SRRM1: variants seen among roughly 807,000 people sequenced by gnomAD.
SRRM1 encodes the protein serine/arginine repetitive matrix protein 1.
SRRM1 carries 19 observed loss-of-function variants against 110.2 expected under a neutral mutation model. That is an observed-to-expected ratio of 0.17 (90% CI 0.12 to 0.25). The LOEUF (loss-of-function observed/expected upper bound fraction) is 0.25, where lower values mean the gene tolerates loss of function less well. Among genes scored for constraint, SRRM1 ranks in the 10% least tolerant of loss-of-function variants. The pLI is 1.00. For synonymous variants in SRRM1, 443 were observed against 414.9 expected (o/e 1.07, Z -0.82); for missense variants, 918 against 1,145.8 (o/e 0.80, Z 2.87).
intron 7 of SRRM1, 138 bp from the exon 8 acceptor site, chr1:24,652,775 T>C: frequency 7.5e-7 from 1 of 1,327,722 alleles, no homozygotes; most frequent in East Asian, 2.4e-5. Context: ...GACACTTTTC[T>C]GTGTACCATA....
chr1:24,657,123 C>G (rs147152323), intron 9 of SRRM1, among the ~76,000 whole-genome samples: 12 of 152,248 alleles, frequency 7.9e-5, no homozygotes, highest in African/African-American at 2.2e-4. Flanking sequence ...CTCTGTCACT[C>G]GGGCTGGAGT....
chr1:24,671,149 G>A (rs1672534258), intron 15 of SRRM1, among the ~76,000 whole-genome samples: 1 of 152,220 alleles, frequency 6.6e-6, no homozygotes, highest in Admixed American at 6.5e-5. Flanking sequence ...TCAACAATTT[G>A]TCTAAGGTCA....
At chr1:24,671,925 T>TTTA (rs1365984971) in intron 16 of SRRM1, among the ~76,000 whole-genome samples, 1 of 152,028 alleles carries the variant, frequency 6.6e-6, no homozygotes, top group Non-Finnish European at 1.5e-5. Flanking sequence ...GTTTTTTAAT[T>TTTA]TTATTATTAT....
intron 2 of SRRM1, 85 bp downstream of exon 2, chr1:24,646,158 A>G: frequency 2.0e-6 from 2 of 979,740 alleles, no homozygotes; most frequent in Admixed American, 1.9e-5. Flanking sequence ...GATGCATTGT[A>G]ACTTGAATGC....
At position 24,663,551 on chromosome 1, in the gene SRRM1, AT is replaced by A. The variant is rs1299904472; in HGVS notation, c.1628+749del. On this transcript the variant is annotated intron_variant, in intron 12 of 16. Transcript: ENST00000323848. ...ATCTGGATACTTTTCCAGAGATAGG[AT>A]TATTGCTCCTTAGATTTGGGGGGAG... is the stretch of plus-strand genomic sequence containing the variant. Among the ~76,000 whole-genome samples, 12 of 152,016 alleles carry A rather than the reference AT, an allele frequency of 7.9e-5. 1 individual carries two copies. The highest frequency in any genetic ancestry group is 2.9e-5 in the Non-Finnish European group (2 of 68,010).
At chr1:24,661,473 TGCA>T in intron 11 of SRRM1, 77 bp downstream of exon 11, 1 of 1,053,804 alleles carries the variant, frequency 9.5e-7, no homozygotes, top group Non-Finnish European at 1.4e-6. Flanking sequence ...CATCTGTGTG[TGCA>T]GCATGAGTAC....
intron 13 of SRRM1, among the ~76,000 whole-genome samples, chr1:24,668,089 A>G (rs1180697723): frequency 6.8e-6 from 1 of 146,152 alleles, no homozygotes; most frequent in African/African-American, 2.6e-5. Context: ...CTCCTGCCTC[A>G]GCCTCCCGAG....
Position 24,650,080 on chromosome 1 carries a change from CAAG to C in SRRM1, c.519_521del (p.Arg175del). The C allele has an allele frequency of 6.3e-7, 1 of 1,575,114 alleles. No individual in the cohort carries two copies. Among genetic ancestry groups the C allele is most frequent in the East Asian group, 2.3e-5 (1 of 43,912 alleles). ...GAAAAAAGGGAGCGGTCTCGTAGCC[CAAG>C]AAGGTATCATACAATAGATGCATAA... On this transcript the variant is annotated inframe_deletion, in exon 5 of 17. Coordinates refer to ENST00000323848, the MANE Select transcript of SRRM1 (RefSeq NM_005839.4).
In SRRM1 at chr1:24,648,712, T is replaced by G. The variant is rs556140187; in HGVS notation, c.235-147T>G. The G allele has an allele frequency of 7.9e-4, 496 of 626,926 alleles. 1 individual carries two copies. Among genetic ancestry groups the G allele is most frequent in the Admixed American group, 2.0e-3 (65 of 31,728 alleles). 38.8% of individuals were successfully genotyped at this position (626,926 alleles called of 1,614,324 possible). ...GCTGAGAAGCTACTAGGGAAGACTA[T>G]TTGTAAAATAGTAAGGACTATATAT... On this transcript the variant is annotated intron_variant, in intron 3 of 16. Coordinates refer to ENST00000323848, the MANE Select transcript of SRRM1 (RefSeq NM_005839.4).
chr1:24,656,610 T>G (rs1664253544), intron 9 of SRRM1, among the ~76,000 whole-genome samples: 1 of 152,216 alleles, frequency 6.6e-6, no homozygotes, highest in Non-Finnish European at 1.5e-5. Context: ...CTATTTTGTC[T>G]TTTCCTGTAA....
chr1:24,656,082 A>G (rs1175737656), intron 9 of SRRM1, among the ~76,000 whole-genome samples: 1 of 152,150 alleles, frequency 6.6e-6, no homozygotes, highest in African/African-American at 2.4e-5. Context: ...TCTTAAAAAA[A>G]GAGAGAGAAA....
In SRRM1 at chr1:24,655,024, C is replaced by A. The variant is rs761372336; in HGVS notation, c.1210C>A (p.Pro404Thr). 1.2e-6 allele frequency: 2 copies of A among 1,614,208 alleles called. No individual in the cohort carries two copies. Among genetic ancestry groups the A allele is most frequent in the South Asian group, 1.1e-5 (1 of 91,082 alleles). ...AAGGCGAAGGCACAGGCCATCACCT[C>A]CTGCAACTCCACCACCCAAAACTCG... ...PPRRRHRPSP[P>T]ATPPPKTRHS... Residue 404 changes from proline (P) to threonine (T), a missense_variant, in exon 9 of 17, where the codon CCT becomes ACT. Pro to Thr is a conservative substitution (Grantham distance 38). Transcript: ENST00000323848.
chr1:24,646,165 A>G (rs1657414547), intron 2 of SRRM1, 92 bp downstream of exon 2: 2 of 926,072 alleles, frequency 2.2e-6, no homozygotes, highest in Non-Finnish European at 3.4e-6. Flanking sequence ...TGTAACTTGA[A>G]TGCTAAGAAA....
rs776543273 is a variant in SRRM1, at chr1:24,662,795, C to A, written c.1619C>A (p.Thr540Asn). ...TCACCACGAAAGCGCCAAAAAGAGACTTCCCCTCGGTAACATCTTTGCTTC... is the reference window on the plus strand; with the variant it reads ...TCACCACGAAAGCGCCAAAAAGAGAATTCCCCTCGGTAACATCTTTGCTTC... The part of the protein sequence containing the change: ...SPSPRKRQKE[T>N]SPRGRRRRSP... Residue 540 changes from threonine to asparagine, a missense_variant, in exon 12 of 17, where the codon ACT becomes AAT. Around this residue, in one of 5 missense-constraint regions of SRRM1, gnomAD observed 357 missense variants for 402.9 expected, o/e 0.89. Coordinates refer to ENST00000323848, the MANE Select transcript of SRRM1 (RefSeq NM_005839.4). 3.7e-6 allele frequency: 6 copies of A among 1,614,030 alleles called. No homozygotes were observed. Among genetic ancestry groups the A allele is most frequent in the Non-Finnish European group, 4.2e-6 (5 of 1,180,004 alleles).
chr1:24,667,469 A>G (rs964123451), intron 13 of SRRM1, among the ~76,000 whole-genome samples: 2 of 152,268 alleles, frequency 1.3e-5, no homozygotes, highest in Admixed American at 6.5e-5. Flanking sequence ...AACATCCTCA[A>G]TAAAACATTG....
At position 24,662,782 on chromosome 1, in the gene SRRM1, C is replaced by T. The variant is rs889524332; in HGVS notation, c.1606C>T (p.Arg536Cys). 1.1e-5 allele frequency: 18 copies of T among 1,613,984 alleles called. No homozygotes were observed. The highest frequency in any genetic ancestry group is 1.4e-5 in the Non-Finnish European group (16 of 1,179,996). The change falls in exon 12 of 17, where the codon CGC (arginine) becomes TGC (cysteine). Residue 536 changes from arginine to cysteine, a missense_variant. Transcript: ENST00000323848. Reference sequence around the variant, plus strand: ...GAGTGCTTCTCCATCACCACGAAAGCGCCAAAAAGAGACTTCCCCTCGGTA... The same window carrying T: ...GAGTGCTTCTCCATCACCACGAAAGTGCCAAAAAGAGACTTCCCCTCGGTA... ...SRSASPSPRK[R>C]QKETSPRGRR...
chr1:24,664,382 C>T (rs1316671808), intron 12 of SRRM1, among the ~76,000 whole-genome samples: 1 of 152,208 alleles, frequency 6.6e-6, no homozygotes, highest in Non-Finnish European at 1.5e-5. Context: ...TAATTCAGGC[C>T]TTACTCTCAT....
rs967802785 is a variant in SRRM1, at chr1:24,664,051, A to G, written c.1628+1247A>G. 4.0e-5 allele frequency among the ~76,000 whole-genome samples: 5 copies of G among 125,772 alleles called. No individual in the cohort carries two copies. The South Asian group carries it at 1.2e-3, about 31-fold the overall frequency. 82.5% of individuals were successfully genotyped at this position (125,772 alleles called of 152,430 possible). A position where few individuals can be genotyped will look rare whatever the true frequency, so the allele number is the denominator to read the frequency against. On this transcript the variant is annotated intron_variant, in intron 12 of 16. Transcript: ENST00000323848. ...GGCTCTATCACCCAGGCTGGGGTGC[A>G]TTGGTGCGACCTCGGCTCACTGCAA...
At chr1:24,652,693 T>A in intron 7 of SRRM1, 65 bp downstream of exon 7, 1 of 1,429,642 alleles carries the variant, frequency 7.0e-7, no homozygotes, top group Non-Finnish European at 9.4e-7. Context: ...TGGGTACAAT[T>A]AGATAAATAA....
Sources: allele counts gnomAD v4.1 joint callset (sites outside exome capture counted in the v4.1 genomes callset), GRCh38; gene constraint gnomAD v4.1.1; regional missense constraint gnomAD v4.1.1; transcripts MANE v1.5; gene names NCBI Gene and HGNC (gene_info 2026-07-23, HGNC 2026-07-21).